Variants in MFSD11 observed in about 807,000 individuals in gnomAD.
MFSD11 encodes UNC93-like protein MFSD11.
A neutral mutation model predicts 53.5 loss-of-function variants in MFSD11; 36 were observed. That is an observed-to-expected ratio of 0.67 (90% CI 0.52 to 0.89). The LOEUF (loss-of-function observed/expected upper bound fraction) is 0.89. Ranked by LOEUF, MFSD11 falls within the 40% of genes least tolerant of loss-of-function variation. The probability of loss-of-function intolerance (pLI) is 0.00; values close to 1 mark genes in which losing one functional copy is unlikely to be tolerated. For synonymous variants in MFSD11, 186 were observed against 184.9 expected, an observed-to-expected ratio of 1.01 and a Z score of -0.05; for missense variants, 530 against 543.9, an observed-to-expected ratio of 0.97 and a Z score of 0.25.
At chr17:76,789,720 C>CT in the MFSD11 span, among the ~76,000 whole-genome samples, 3 of 150,096 alleles carry the variant, frequency 2.0e-5, no homozygotes, top group Non-Finnish European at 4.5e-5. Context: ...ACTGCCTACT[C>CT]TAACATACTG....
At chr17:76,757,408 C>T (rs572628715) in intron 8 of MFSD11, among the ~76,000 whole-genome samples, 3 of 152,152 alleles carry the variant, frequency 2.0e-5, no homozygotes, top group Non-Finnish European at 2.9e-5. Flanking sequence ...AACAGGAAGT[C>T]GTGAGGTGGC....
chr17:76,799,955 C>CTT, the MFSD11 span, among the ~76,000 whole-genome samples: 42 of 138,904 alleles, frequency 3.0e-4, no homozygotes, highest in African/African-American at 9.3e-4. Context: ...TTTCTTTTTC[C>CTT]TTTTTTTTTT....
intron 12 of MFSD11, 76 bp from the exon 13 acceptor site, chr17:76,778,112 G>GCCCCA: frequency 6.8e-7 from 1 of 1,478,206 alleles, no homozygotes; most frequent in South Asian, 1.2e-5. Context: ...GGCAGGATAG[G>GCCCCA]AGTGGGGCTA....
intron 7 of MFSD11, among the ~76,000 whole-genome samples, chr17:76,750,326 T>A (rs535350893): frequency 6.6e-6 from 1 of 152,216 alleles, no homozygotes; most frequent in East Asian, 1.9e-4. Flanking sequence ...AAAAGTTTTC[T>A]TGCTGGTTAG....
chr17:76,801,671 C>A, the MFSD11 span, among the ~76,000 whole-genome samples: 2 of 152,084 alleles, frequency 1.3e-5, no homozygotes, highest in African/African-American at 2.4e-5. Context: ...GTCTCAAACT[C>A]CTGACCTCAG....
At chr17:76,767,315 A>G in intron 8 of MFSD11, 71 bp from the exon 9 acceptor site, 1 of 903,888 alleles carries the variant, frequency 1.1e-6, no homozygotes, top group Non-Finnish European at 1.8e-6. Flanking sequence ...GTTTTGGTTG[A>G]AGGAAGTTTT....
intron 8 of MFSD11, among the ~76,000 whole-genome samples, chr17:76,757,475 C>CTG (rs2079767886): frequency 6.6e-6 from 1 of 152,062 alleles, no homozygotes; most frequent in African/African-American, 2.4e-5. Flanking sequence ...TTCATGTGGC[C>CTG]TGTGTGTGGC....
Position 76,742,256 on chromosome 17 carries a change from G to A in MFSD11, c.420G>A (p.Trp140Ter). Reference sequence around the variant, plus strand: ...TTGGGAGAAACAGTGGGATTTTCTGGGCACTTCTGCAGTCTAGGTAATTAT... The same window carrying A: ...TTGGGAGAAACAGTGGGATTTTCTGAGCACTTCTGCAGTCTAGGTAATTAT... Reference protein sequence around the residue: ...HSIGRNSGIFWALLQSSLFFG... With the variant: ...HSIGRNSGIF Residue 140 changes from tryptophan to a stop codon, truncating the protein, a stop_gained, in exon 5 of 13, where the codon TGG becomes TGA. Transcript: ENST00000685175. LOFTEE classifies it high-confidence loss of function. The A allele has an allele frequency of 1.2e-6, 2 of 1,613,932 alleles. No homozygotes were observed. Among genetic ancestry groups the A allele is most frequent in the Non-Finnish European group, 1.7e-6 (2 of 1,179,884 alleles).
rs1414690543 is a variant in MFSD11, at chr17:76,738,292, G to A, written c.-61G>A. 9.2e-7 allele frequency: 1 copy of A among 1,083,556 alleles called. No homozygotes were observed. Among genetic ancestry groups the A allele is most frequent in the African/African-American group, 1.6e-5 (1 of 63,684 alleles). 67.1% of individuals were successfully genotyped at this position (1,083,556 alleles called of 1,614,324 possible). Reference sequence around the variant, plus strand: ...CATTTCTTTCTCCAGGATTGTCAGTGGCTTCGCCCCGAGGAGAGCTGACTG... The same window carrying A: ...CATTTCTTTCTCCAGGATTGTCAGTAGCTTCGCCCCGAGGAGAGCTGACTG... On this transcript the variant is annotated 5_prime_UTR_variant, in exon 1 of 13. Transcript: ENST00000685175.
rs2082034174 is a variant in MFSD11 at position 76,778,401 on chromosome 17, A to G, written c.*49A>G. The G allele has an allele frequency of 6.3e-7, 1 of 1,590,948 alleles. No homozygotes were observed. Among genetic ancestry groups the G allele is most frequent in the Non-Finnish European group, 8.6e-7 (1 of 1,161,910 alleles). ...TATGACCTCAGAAACACAGCTGGACACAGAGCTTGGTGGAAGAAGTCGCCT... is the reference window on the plus strand; with the variant it reads ...TATGACCTCAGAAACACAGCTGGACGCAGAGCTTGGTGGAAGAAGTCGCCT... On this transcript the variant is annotated 3_prime_UTR_variant, in exon 13 of 13. Coordinates refer to ENST00000685175, the MANE Select transcript of MFSD11 (RefSeq NM_001242532.5).
At position 76,769,889 on chromosome 17, in the gene MFSD11, G is replaced by A. The variant is rs375330315; in HGVS notation, c.874+18G>A. 6 of 1,600,962 alleles carry A rather than the reference G, an allele frequency of 3.7e-6. No individual in the cohort carries two copies. Among genetic ancestry groups the A allele is most frequent in the Non-Finnish European group, 4.3e-6 (5 of 1,176,190 alleles). Reference sequence around the variant, plus strand: ...AATTTTAGGTTGGTTTTAAAAAAAAGCGTTTGCATTAAAAATATCAGTTTA... The same window carrying A: ...AATTTTAGGTTGGTTTTAAAAAAAAACGTTTGCATTAAAAATATCAGTTTA... On this transcript the variant is annotated intron_variant, in intron 10 of 12. Transcript: ENST00000685175.
chr17:76,772,736 T>A (rs540356642), intron 10 of MFSD11, among the ~76,000 whole-genome samples: 13 of 152,224 alleles, frequency 8.5e-5, no homozygotes, highest in African/African-American at 3.1e-4. Context: ...CAGGCTGGTC[T>A]CAATCTCCTG....
chr17:76,759,756 CTTTTTTTTTTTTTTTTTTT>C (rs1159131964), intron 8 of MFSD11, among the ~76,000 whole-genome samples: 11 of 27,006 alleles, frequency 4.1e-4, no homozygotes, highest in African/African-American at 1.8e-3. Flanking sequence ...CGTGACCGGC[CTTTTTTTTTTTTTTTTTTT>C]TTTTTTTTTT....
intron 8 of MFSD11, among the ~76,000 whole-genome samples, chr17:76,755,752 GTATATGTA>G: frequency 8.7e-6 from 1 of 115,260 alleles, no homozygotes; most frequent in Admixed American, 1.0e-4. Flanking sequence ...ATATATATGT[GTATATGTA>G]TATATGTACG....
intron 6 of MFSD11, 38 bp from the exon 7 acceptor site, chr17:76,744,284 T>C: frequency 6.4e-7 from 1 of 1,567,626 alleles, no homozygotes. Context: ...TGGAATTGTT[T>C]GGTCGATACT....
chr17:76,789,984 A>G, the MFSD11 span, among the ~76,000 whole-genome samples: 1 of 150,296 alleles, frequency 6.7e-6, no homozygotes, highest in African/African-American at 2.4e-5. Flanking sequence ...AAACATAATT[A>G]CTTTGGCTTG....
chr17:76,762,658 A>C (rs1450153386), intron 8 of MFSD11, among the ~76,000 whole-genome samples: 2 of 5,716 alleles, frequency 3.5e-4, no homozygotes, highest in African/African-American at 5.7e-4. Context: ...TCCGTCTCCA[A>C]AAAAAAAAAA....
intron 8 of MFSD11, among the ~76,000 whole-genome samples, chr17:76,761,674 G>C (rs1226693417): frequency 6.6e-6 from 1 of 152,162 alleles, no homozygotes; most frequent in Non-Finnish European, 1.5e-5. Flanking sequence ...TGTAATCCCA[G>C]CACTTTGGGA....
At chr17:76,762,828 G>T (rs1169513010) in intron 8 of MFSD11, among the ~76,000 whole-genome samples, 1 of 151,848 alleles carries the variant, frequency 6.6e-6, no homozygotes, top group Non-Finnish European at 1.5e-5. Context: ...TTAGCCTTAG[G>T]ACCACAAGAG....
Sources: allele counts gnomAD v4.1 joint callset (sites outside exome capture counted in the v4.1 genomes callset), GRCh38; gene constraint gnomAD v4.1.1; transcripts MANE v1.5; gene names NCBI Gene and HGNC (gene_info 2026-07-23, HGNC 2026-07-21).